The following ACER3 variants were observed in gnomAD, a reference collection of about 807,000 sequenced individuals.
The protein encoded by ACER3 is alkaline ceramidase 3.
A neutral mutation model predicts 48.9 loss-of-function variants in ACER3; 16 were observed. The observed-to-expected ratio is 0.33, with a 90% CI of 0.22 to 0.50. The LOEUF is 0.50. Ranked by LOEUF, ACER3 falls within the 20% of genes least tolerant of loss-of-function variation. The pLI is 0.98. For synonymous variants in ACER3, 109 were observed against 107.8 expected, an observed-to-expected ratio of 1.01 and a Z score of -0.07; for missense variants, 227 against 326.0, an observed-to-expected ratio of 0.70 and a Z score of 2.34.
chr11:76,912,435 A>G lies in ACER3; in HGVS notation c.104-14122A>G, dbSNP rs544231183. 5.3e-5 allele frequency among the ~76,000 whole-genome samples: 8 copies of G among 152,318 alleles called. No homozygotes were observed. In the East Asian group the frequency reaches 1.3e-3, roughly 26 times the overall value. ...TACGGCAGCCCTAGGAAATTAATAC[A>G]GATGTTCATAATATTGCTTTTTTCT... On this transcript the variant is annotated intron_variant, in intron 1 of 10. Coordinates refer to ENST00000532485, the MANE Select transcript of ACER3 (RefSeq NM_018367.7).
chr11:76,985,518 A>C (rs750866724), intron 4 of ACER3, 125 bp from the exon 5 acceptor site: 41 of 607,900 alleles, frequency 6.7e-5, no homozygotes, highest in Non-Finnish European at 8.4e-5. Flanking sequence ...GGTTTTCTCT[A>C]TGAGTGGAAA....
At chr11:76,877,801 C>CCAGG (rs1945424172) in intron 1 of ACER3, among the ~76,000 whole-genome samples, 1 of 152,098 alleles carries the variant, frequency 6.6e-6, no homozygotes, top group Non-Finnish European at 1.5e-5. Flanking sequence ...AACCAGTATA[C>CCAGG]TTAATTTAGT....
At chr11:77,004,040 G>T (rs1949085179) in intron 7 of ACER3, among the ~76,000 whole-genome samples, 1 of 152,172 alleles carries the variant, frequency 6.6e-6, no homozygotes, top group Non-Finnish European at 1.5e-5. Context: ...TTCTGCTATT[G>T]TTTGATAAAA....
rs1948887954 is a variant in ACER3 at position 76,995,224 on chromosome 11, CT to C, written c.439-3536del. On this transcript the variant is annotated intron_variant, in intron 6 of 10. Coordinates refer to ENST00000532485, the MANE Select transcript of ACER3 (RefSeq NM_018367.7). Reference sequence around the variant, plus strand: ...CTCTCTCCAGTCACACTGAGTCTTGCTTTATATTTCAAACACAACAAGCATG... The same window carrying C: ...CTCTCTCCAGTCACACTGAGTCTTGCTTATATTTCAAACACAACAAGCATG... 2.0e-5 allele frequency among the ~76,000 whole-genome samples: 3 copies of C among 152,272 alleles called. No individual in the cohort carries two copies. The South Asian group carries it at 6.2e-4, about 32-fold the overall frequency.
chr11:76,986,220 G>T (rs17160169), intron 5 of ACER3, among the ~76,000 whole-genome samples: 17,318 of 152,122 alleles, frequency 0.11, 3,259 homozygotes, highest in African/African-American at 0.39. Flanking sequence ...ACCATGTCAG[G>T]CACTAGAAAT....
chr11:76,986,277 G>C (rs1372434125), intron 5 of ACER3, among the ~76,000 whole-genome samples: 1 of 152,178 alleles, frequency 6.6e-6, no homozygotes, highest in Non-Finnish European at 1.5e-5. Context: ...AGCTCATTCT[G>C]TTAGAGATTT....
intron 1 of ACER3, among the ~76,000 whole-genome samples, chr11:76,865,096 C>A (rs1945041403): frequency 6.6e-6 from 1 of 151,524 alleles, no homozygotes; most frequent in African/African-American, 2.4e-5. Flanking sequence ...ACCTCAGTAC[C>A]CCATAGCTGG....
rs530851480 is a variant in ACER3, at chr11:76,945,023, T to G, written c.215-13956T>G. Among the ~76,000 whole-genome samples, 15 of 148,450 alleles carry G rather than the reference T, an allele frequency of 1.0e-4. 1 individual carries two copies. In the South Asian group the frequency reaches 1.7e-3, roughly 17 times the overall value. On this transcript the variant is annotated intron_variant, in intron 2 of 10. Transcript: ENST00000532485. ...TGAAGCTTTTAAATGTATTTTGTTG[T>G]TTTTTTTTCAATGGATTTTTCATTT...
chr11:76,891,795 T>A (rs1216522850), intron 1 of ACER3, among the ~76,000 whole-genome samples: 1 of 152,158 alleles, frequency 6.6e-6, no homozygotes, highest in African/African-American at 2.4e-5. Flanking sequence ...CCCCACATAT[T>A]TGGTCACAGA....
In ACER3 at chr11:76,928,873, A is replaced by G. The variant is rs181203352; in HGVS notation, c.214+2206A>G. Among the ~76,000 whole-genome samples, 671 of 152,278 alleles carry G rather than the reference A, an allele frequency of 4.4e-3. 4 individuals carry two copies. Among genetic ancestry groups the G allele is most frequent in the Non-Finnish European group, 7.5e-3 (512 of 68,024 alleles). ...GTTTTGGTTTCTGTAGCCTTGTAGTATAGTTTGAAGTCAGGTAGAGTGATG... is the reference window on the plus strand; with the variant it reads ...GTTTTGGTTTCTGTAGCCTTGTAGTGTAGTTTGAAGTCAGGTAGAGTGATG... On this transcript the variant is annotated intron_variant, in intron 2 of 10. Transcript: ENST00000532485.
At chr11:76,892,326 C>T (rs1358528701) in intron 1 of ACER3, among the ~76,000 whole-genome samples, 1 of 149,174 alleles carries the variant, frequency 6.7e-6, no homozygotes, top group Non-Finnish European at 1.5e-5. Flanking sequence ...GTGTTTTTTC[C>T]ACTTTCATTC....
rs890471930 is a variant in ACER3 at position 76,977,454 on chromosome 11, C to T, written c.320+1113C>T. Among the ~76,000 whole-genome samples the T allele has an allele frequency of 1.2e-4, 19 of 152,314 alleles. 1 individual carries two copies. Among genetic ancestry groups the T allele is most frequent in the Admixed American group, 9.8e-4 (15 of 15,292 alleles). On this transcript the variant is annotated intron_variant, in intron 4 of 10. Coordinates refer to ENST00000532485, the MANE Select transcript of ACER3 (RefSeq NM_018367.7). ...GTAAGTTAGGGTATGCAGGTTTGGG[C>T]TCTAGCTAAGTCACTGGGAACATTA...
Position 76,964,391 on chromosome 11 carries a change from G to A in ACER3, c.267+5360G>A, listed in dbSNP as rs577653891. Among the ~76,000 whole-genome samples, 105 of 151,516 alleles carry A rather than the reference G, an allele frequency of 6.9e-4. 8 individuals carry two copies. Among genetic ancestry groups the A allele is most frequent in the African/African-American group, 2.5e-3 (101 of 40,812 alleles). On this transcript the variant is annotated intron_variant, in intron 3 of 10. Coordinates refer to ENST00000532485, the MANE Select transcript of ACER3 (RefSeq NM_018367.7). ...CTATAGGCTCCACCTCTGGGGGCAG[G>A]GAACAGACAAACAAAAGGCAGCAGT...
chr11:76,955,040 G>A (rs746359574), intron 2 of ACER3, among the ~76,000 whole-genome samples: 11 of 152,198 alleles, frequency 7.2e-5, no homozygotes, highest in South Asian at 2.1e-4. Context: ...TGGTGTCCTC[G>A]TTAAGGAAAT....
intron 4 of ACER3, among the ~76,000 whole-genome samples, chr11:76,977,032 G>T (rs1396692213): frequency 6.6e-6 from 1 of 152,174 alleles, no homozygotes; most frequent in Non-Finnish European, 1.5e-5. Flanking sequence ...TAACTGCTTT[G>T]TACTGTGCTA....
chr11:76,864,919 ATTT>A (rs34901215), intron 1 of ACER3, among the ~76,000 whole-genome samples: 13 of 115,922 alleles, frequency 1.1e-4, no homozygotes, highest in East Asian at 2.4e-4. Flanking sequence ...TTTTAAATTA[ATTT>A]TTTTTTTTTT....
intron 6 of ACER3, among the ~76,000 whole-genome samples, chr11:76,991,677 A>G (rs143454362): frequency 0.02 from 3,029 of 152,052 alleles, 41 homozygotes; most frequent in Non-Finnish European, 0.029. Context: ...TTAGCTGGGC[A>G]TGGTGGCGTG....
rs1003916402 is a variant in ACER3, at chr11:76,963,615, C to T, written c.267+4584C>T. ...CATGCTGGATCCAATCGGTCTTAGC[C>T]AGCTTGGTCCACACCCTGTTTTTCA... On this transcript the variant is annotated intron_variant, in intron 3 of 10. Coordinates refer to ENST00000532485, the MANE Select transcript of ACER3 (RefSeq NM_018367.7). Among the ~76,000 whole-genome samples the T allele has an allele frequency of 1.2e-4, 18 of 151,350 alleles. 1 individual carries two copies. Among genetic ancestry groups the T allele is most frequent in the African/African-American group, 4.2e-4 (17 of 40,632 alleles).
At chr11:76,980,546 G>C (rs1400980046) in intron 4 of ACER3, among the ~76,000 whole-genome samples, 1 of 152,050 alleles carries the variant, frequency 6.6e-6, no homozygotes, top group Non-Finnish European at 1.5e-5. Flanking sequence ...GCATGATGGT[G>C]CACACCTCTG....
Sources: allele counts gnomAD v4.1 joint callset (sites outside exome capture counted in the v4.1 genomes callset), GRCh38; gene constraint gnomAD v4.1.1; transcripts MANE v1.5; gene names NCBI Gene and HGNC (gene_info 2026-07-23, HGNC 2026-07-21).